The following ZNF181 variants were observed in gnomAD, a reference collection of about 807,000 sequenced individuals.
The protein encoded by ZNF181 is zinc finger protein 181 (HHZ181).
Under a neutral mutation model 11.9 loss-of-function variants are expected in ZNF181, and 8 were observed. That is an observed-to-expected ratio of 0.67 (90% CI 0.39 to 1.21). The LOEUF (loss-of-function observed/expected upper bound fraction) is 1.21. Ranked by LOEUF, ZNF181 falls within the 50% of genes most tolerant of loss-of-function variation. ZNF181 has a pLI of 0.01. For missense variants in ZNF181, 542 were observed against 670.9 expected (o/e 0.81, Z 2.12); for synonymous variants, 202 against 221.1 (o/e 0.91, Z 0.77).
Position 34,734,706 on chromosome 19 carries a change from G to A in ZNF181, c.-332G>A, listed in dbSNP as rs1008568669. 4 of 386,564 alleles carry A rather than the reference G, an allele frequency of 1.0e-5. No individual in the cohort carries two copies. The highest frequency in any genetic ancestry group is 1.9e-5 in the Non-Finnish European group (4 of 215,878). 23.9% of individuals were successfully genotyped at this position (386,564 alleles called of 1,614,324 possible). A position where few individuals can be genotyped will look rare whatever the true frequency, so the allele number is the denominator to read the frequency against. Reference sequence around the variant, plus strand: ...CTGGAAAAATGTGAACGCACACCGTGCATAGTGGTGAAGACTGAACGAGCT... The same window carrying A: ...CTGGAAAAATGTGAACGCACACCGTACATAGTGGTGAAGACTGAACGAGCT... On this transcript the variant is annotated 5_prime_UTR_variant, in exon 1 of 4. Transcript: ENST00000492450.
chr19:34,736,203 GGATGTGAGTAGCA>G (rs1233857442), intron 1 of ZNF181: 6 of 702,298 alleles, frequency 8.5e-6, no homozygotes, highest in Non-Finnish European at 1.6e-5. Context: ...GCATAGGAGG[GGATGTGAGTAGCA>G]GATGTACATG....
rs550328609 is a variant in ZNF181 at position 34,741,278 on chromosome 19, G to A, written c.897G>A (p.Gly299=). The change falls in exon 4 of 4, where the codon GGG becomes GGA. Residue 299 remains glycine, a synonymous_variant. Coordinates refer to ENST00000492450, the MANE Select transcript of ZNF181 (RefSeq NM_001029997.4). ...GEKPYKCIEC[G]KAFSHVSSLT... ...AACCTTACAAATGTATTGAATGTGG[G>A]AAGGCCTTTAGCCATGTCTCATCAC... 4 of 1,613,910 alleles carry A rather than the reference G, an allele frequency of 2.5e-6. No individual in the cohort carries two copies. Among genetic ancestry groups the A allele is most frequent in the Non-Finnish European group, 3.4e-6 (4 of 1,179,850 alleles).
chr19:34,734,250 C>T lies in ZNF181; in HGVS notation c.-788C>T, dbSNP rs916608939. 6.6e-6 allele frequency: 1 copy of T among 152,218 alleles called. No homozygotes were observed. 9.4% of individuals were successfully genotyped at this position (152,218 alleles called of 1,614,324 possible). A position where few individuals can be genotyped will look rare whatever the true frequency, so the allele number is the denominator to read the frequency against. ...GCGCACTGGGTCCGCCCCGCTGTAG[C>T]CTCAGGCCTGACGGCGACTCCCAGG... On this transcript the variant is annotated 5_prime_UTR_variant, in exon 1 of 4. Transcript: ENST00000492450.
intron 1 of ZNF181, 48 bp downstream of exon 1, chr19:34,735,094 G>A: frequency 6.4e-7 from 1 of 1,554,626 alleles, no homozygotes; most frequent in South Asian, 1.2e-5. Context: ...TATCAGGACT[G>A]TGTGTTTGCT....
At position 34,743,332 on chromosome 19, in the gene ZNF181, A is replaced by T. The variant is rs1191096329; in HGVS notation, c.*1235A>T. ...TCTCGCAGGGATGTTATCTGACAAG[A>T]AAGATGGATAGCAAATAAATTTGAA... On this transcript the variant is annotated 3_prime_UTR_variant, in exon 4 of 4. Transcript: ENST00000492450. 1.3e-5 allele frequency: 2 copies of T among 152,332 alleles called. No homozygotes were observed. The highest frequency in any genetic ancestry group is 2.9e-5 in the Non-Finnish European group (2 of 68,024). 9.4% of individuals were successfully genotyped at this position (152,332 alleles called of 1,614,324 possible). A position where few individuals can be genotyped will look rare whatever the true frequency, so the allele number is the denominator to read the frequency against.
At chr19:34,736,039 G>A in intron 1 of ZNF181, 1 of 689,196 alleles carries the variant, frequency 1.5e-6, no homozygotes, top group Non-Finnish European at 2.6e-6. Flanking sequence ...GTTCCTGGTG[G>A]GAGGAATCTT....
intron 3 of ZNF181, 44 bp from the exon 4 acceptor site, chr19:34,740,567 T>TA (rs11426796): frequency 0.6 from 844,114 of 1,412,894 alleles, 235,259 homozygotes; most frequent in Non-Finnish European, 0.62. Context: ...TTCAAATAGT[T>TA]AAAAAAAAAC....
intron 3 of ZNF181, among the ~76,000 whole-genome samples, chr19:34,740,221 CA>C (rs1160848251): frequency 6.6e-6 from 1 of 152,120 alleles, no homozygotes; most frequent in Non-Finnish European, 1.5e-5. Flanking sequence ...AATCTGGCAG[CA>C]AATTGAGATT....
At chr19:34,740,533 C>G (rs1433003321) in intron 3 of ZNF181, 78 bp from the exon 4 acceptor site, 1 of 1,405,680 alleles carries the variant, frequency 7.1e-7, no homozygotes, top group African/African-American at 1.5e-5. Flanking sequence ...TCCAGTTCTC[C>G]TAATTCCAAT....
chr19:34,736,818 A>ACAGATAGGCTATGTT (rs1323754203), intron 1 of ZNF181, among the ~76,000 whole-genome samples: 1 of 152,284 alleles, frequency 6.6e-6, no homozygotes, highest in Non-Finnish European at 1.5e-5. Flanking sequence ...AAATGCCAGG[A>ACAGATAGGCTATGTT]CAGATAGGCT....
At position 34,741,975 on chromosome 19, in the gene ZNF181, C is replaced by G; in HGVS notation, c.1594C>G (p.Leu532Val). 1 of 1,613,792 alleles carries G rather than the reference C, an allele frequency of 6.2e-7. No individual in the cohort carries two copies. Among genetic ancestry groups the G allele is most frequent in the Non-Finnish European group, 8.5e-7 (1 of 1,179,870 alleles). ...GAAAGCTTTTAGCAAAGGCTCAAAT[C>G]TTACTGCCCATCAAAGAGTACATAA... ...CGKAFSKGSN[L>V]TAHQRVHNGE... is the part of the protein sequence containing the mutation. Residue 532 changes from leucine (L) to valine (V), a missense_variant, in exon 4 of 4, where the codon CTT (leucine) becomes GTT (valine). By Grantham distance (32) the Leu-to-Val change is conservative (BLOSUM62 1). Transcript: ENST00000492450.
chr19:34,742,146 T>C lies in ZNF181; in HGVS notation c.*49T>C. Reference sequence around the variant, plus strand: ...TCCTAGATTCTCCCTTATTTAACATTAGAAAAATTTATACTGGGGAAAGTC... The same window carrying C: ...TCCTAGATTCTCCCTTATTTAACATCAGAAAAATTTATACTGGGGAAAGTC... On this transcript the variant is annotated 3_prime_UTR_variant, in exon 4 of 4. Coordinates refer to ENST00000492450, the MANE Select transcript of ZNF181 (RefSeq NM_001029997.4). The C allele has an allele frequency of 6.7e-7, 1 of 1,491,738 alleles. No homozygotes were observed. The highest frequency in any genetic ancestry group is 8.9e-7 in the Non-Finnish European group (1 of 1,119,082). 92.4% of individuals were successfully genotyped at this position (1,491,738 alleles called of 1,614,324 possible).
In ZNF181 at chr19:34,741,979, C is replaced by T; in HGVS notation, c.1598C>T (p.Thr533Ile). ...GCTTTTAGCAAAGGCTCAAATCTTA[C>T]TGCCCATCAAAGAGTACATAATGGA... ...GKAFSKGSNLTAHQRVHNGEK... is the reference protein window; with the variant it reads ...GKAFSKGSNLIAHQRVHNGEK... The change falls in exon 4 of 4, where the codon ACT becomes ATT. Residue 533 changes from threonine (T) to isoleucine (I), a missense_variant. Transcript: ENST00000492450. 6.2e-7 allele frequency: 1 copy of T among 1,613,784 alleles called. No individual in the cohort carries two copies. Among genetic ancestry groups the T allele is most frequent in the Non-Finnish European group, 8.5e-7 (1 of 1,179,848 alleles).
intron 2 of ZNF181, 92 bp from the exon 3 acceptor site, chr19:34,739,431 G>A (rs1273886979): frequency 6.3e-6 from 10 of 1,575,444 alleles, no homozygotes; most frequent in Non-Finnish European, 7.8e-6. Context: ...CCATTTCGAT[G>A]AATACCCTTC....
rs1388600840 is a variant in ZNF181 at position 34,739,512 on chromosome 19, C to T, written c.131-11C>T. On this transcript the variant is annotated splice_polypyrimidine_tract_variant and intron_variant, in intron 2 of 3. Transcript: ENST00000492450. ...ACCACGGCTTAAACAATTCTGTATT[C>T]TTCCTGTAAGCAGGTCTTTCTGTAA... 6.2e-7 allele frequency: 1 copy of T among 1,613,846 alleles called. No individual in the cohort carries two copies. Among genetic ancestry groups the T allele is most frequent in the Non-Finnish European group, 8.5e-7 (1 of 1,179,834 alleles).
Position 34,742,025 on chromosome 19 carries a change from A to G in ZNF181, c.1644A>G (p.Val548=), listed in dbSNP as rs1420511813. 6.2e-7 allele frequency: 1 copy of G among 1,612,602 alleles called. No homozygotes were observed. The highest frequency in any genetic ancestry group is 8.5e-7 in the Non-Finnish European group (1 of 1,179,370). The change falls in exon 4 of 4, where the codon GTA becomes GTG. Residue 548 remains valine, a synonymous_variant. Transcript: ENST00000492450. ...ATGGAGAGAAACCCAATAGTGTGGT[A>G]AGTGTGGAAAAGCCTTTAGACTATA... ...VHNGEKPNSV[V]SVEKPLDYMN... is the part of the protein sequence containing the mutation.
At chr19:34,736,819 C>A (rs369772312) in intron 1 of ZNF181, among the ~76,000 whole-genome samples, 2 of 152,316 alleles carry the variant, frequency 1.3e-5, no homozygotes, top group East Asian at 1.9e-4. Flanking sequence ...AATGCCAGGA[C>A]AGATAGGCTA....
At position 34,739,193 on chromosome 19, in the gene ZNF181, G is replaced by A. The variant is rs764325969; in HGVS notation, c.55G>A (p.Gly19Arg). The A allele has an allele frequency of 5.0e-6, 8 of 1,613,802 alleles. No homozygotes were observed. The South Asian group carries it at 8.8e-5, about 18-fold the overall frequency. Residue 19 changes from glycine (G) to arginine (R), a missense_variant, in exon 2 of 4, where the codon GGA (glycine) becomes AGA (arginine). Coordinates refer to ENST00000492450, the MANE Select transcript of ZNF181 (RefSeq NM_001029997.4). ...TATAGACTTCACTCATGAAGAGTGG[G>A]GATGGCTCAGTTCTGCTCAGAGGGA... is the stretch of plus-strand genomic sequence containing the variant. ...VAIDFTHEEWGWLSSAQRDLY... is the reference protein window; with the variant it reads ...VAIDFTHEEWRWLSSAQRDLY...
chr19:34,742,600 T>C lies in ZNF181; in HGVS notation c.*503T>C, dbSNP rs1025965076. The stretch of plus-strand genomic sequence containing the variant: ...AACAACCTGAAGGATTTAGGAGTTA[T>C]GTGTAAATCTTTGCAGTCATGCTAT... On this transcript the variant is annotated 3_prime_UTR_variant, in exon 4 of 4. Coordinates refer to ENST00000492450, the MANE Select transcript of ZNF181 (RefSeq NM_001029997.4). 4 of 152,388 alleles carry C rather than the reference T, an allele frequency of 2.6e-5. No homozygotes were observed. Among genetic ancestry groups the C allele is most frequent in the African/African-American group, 7.2e-5 (3 of 41,468 alleles). The allele number at this position is 152,388 out of a possible 1,614,324, so 9.4% of individuals were successfully genotyped here.
Sources: allele counts gnomAD v4.1 joint callset (sites outside exome capture counted in the v4.1 genomes callset), GRCh38; gene constraint gnomAD v4.1.1; transcripts MANE v1.5; gene names NCBI Gene and HGNC (gene_info 2026-07-23, HGNC 2026-07-21).